Variants in CACNB2 observed in about 807,000 individuals in gnomAD.
CACNB2 encodes voltage-dependent L-type calcium channel subunit beta-2.
In CACNB2, 42 loss-of-function variants were observed where a neutral mutation model predicts 73.3. That is an observed-to-expected ratio of 0.57 (90% CI 0.45 to 0.74). CACNB2 has a LOEUF of 0.74. CACNB2 is among the 30% of genes least tolerant of loss of function. CACNB2 has a pLI of 0.00. For synonymous variants in CACNB2, 348 were observed against 310.3 expected, an observed-to-expected ratio of 1.12 and a Z score of -1.28; for missense variants, 940 against 853.0, an observed-to-expected ratio of 1.10 and a Z score of -1.27.
intron 2 of CACNB2, among the ~76,000 whole-genome samples, chr10:18,220,630 T>C (rs1399976923): frequency 2.0e-5 from 3 of 152,150 alleles, no homozygotes; most frequent in African/African-American, 4.8e-5. Context: ...TAGTACTGGC[T>C]TGTGGTCTGT....
chr10:18,351,413 G>T (rs1193415888), intron 2 of CACNB2, among the ~76,000 whole-genome samples: 1 of 152,156 alleles, frequency 6.6e-6, no homozygotes, highest in East Asian at 1.9e-4. Flanking sequence ...CGTATTCAGT[G>T]ATCTGCTATA....
chr10:18,252,779 G>A (rs1420493364), intron 2 of CACNB2, among the ~76,000 whole-genome samples: 1 of 152,138 alleles, frequency 6.6e-6, no homozygotes, highest in Non-Finnish European at 1.5e-5. Context: ...GACTTTGCAA[G>A]AAAGCGCAAG....
chr10:18,366,475 A>G (rs1431745323), intron 2 of CACNB2, among the ~76,000 whole-genome samples: 1 of 151,554 alleles, frequency 6.6e-6, no homozygotes, highest in Non-Finnish European at 1.5e-5. Flanking sequence ...AAAAAAAAAA[A>G]AAAAAAAATT....
chr10:18,142,463 TAGAC>T (rs1244172397), intron 1 of CACNB2, among the ~76,000 whole-genome samples: 1 of 152,144 alleles, frequency 6.6e-6, no homozygotes, highest in Non-Finnish European at 1.5e-5. Context: ...CTTGCCAGGT[TAGAC>T]AGAATGAAAA....
chr10:18,403,494 A>T (rs1180940934), intron 3 of CACNB2, among the ~76,000 whole-genome samples: 2 of 152,210 alleles, frequency 1.3e-5, no homozygotes, highest in East Asian at 3.8e-4. Context: ...AGTTTCACAT[A>T]CCAAAATTGA....
chr10:18,463,046 C>T (rs181104798), intron 3 of CACNB2, among the ~76,000 whole-genome samples: 24 of 152,304 alleles, frequency 1.6e-4, no homozygotes, highest in Admixed American at 2.0e-4. Context: ...CAAGAGCCAC[C>T]GCACCCGGCC....
chr10:18,178,741 G>A (rs528369086), intron 2 of CACNB2, among the ~76,000 whole-genome samples: 1 of 152,302 alleles, frequency 6.6e-6, no homozygotes, highest in African/African-American at 2.4e-5. Context: ...CTTTTGCTAC[G>A]TTCAATTCTG....
chr10:18,198,729 T>C (rs1322875051), intron 2 of CACNB2, among the ~76,000 whole-genome samples: 1 of 152,176 alleles, frequency 6.6e-6, no homozygotes, highest in African/African-American at 2.4e-5. Context: ...ACACTTTTAC[T>C]TCCACGCTTT....
chr10:18,372,927 T>A (rs916407899), intron 2 of CACNB2, among the ~76,000 whole-genome samples: 1 of 152,202 alleles, frequency 6.6e-6, no homozygotes, highest in African/African-American at 2.4e-5. Flanking sequence ...TTGTCCACTT[T>A]CTCAGTTGAG....
intron 12 of CACNB2, among the ~76,000 whole-genome samples, chr10:18,536,773 G>A (rs2053648173): frequency 6.6e-6 from 1 of 152,150 alleles, no homozygotes. Flanking sequence ...TCCAACACAA[G>A]ATCCTGGTTC....
At chr10:18,402,391 GA>G (rs57043162) in intron 3 of CACNB2, among the ~76,000 whole-genome samples, 10 of 143,850 alleles carry the variant, frequency 7.0e-5, no homozygotes, top group East Asian at 2.0e-4. Flanking sequence ...TCTCTGTTAA[GA>G]AAAAAAAAAA....
chr10:18,180,236 C>A (rs1564321839), intron 2 of CACNB2, among the ~76,000 whole-genome samples: 1 of 152,056 alleles, frequency 6.6e-6, no homozygotes, highest in Admixed American at 6.6e-5. Flanking sequence ...GAATGACATA[C>A]CGCACATCAC....
chr10:18,430,186 T>G (rs2045816615), intron 3 of CACNB2, among the ~76,000 whole-genome samples: 1 of 151,924 alleles, frequency 6.6e-6, no homozygotes, highest in Non-Finnish European at 1.5e-5. Context: ...GAAACCGTGT[T>G]TTTTAAGTAG....
intron 3 of CACNB2, among the ~76,000 whole-genome samples, chr10:18,482,021 C>T (rs7096526): frequency 0.14 from 21,650 of 151,954 alleles, 1,706 homozygotes; most frequent in South Asian, 0.25. Flanking sequence ...TCCTGAGTAG[C>T]TGGGATTACA....
intron 2 of CACNB2, among the ~76,000 whole-genome samples, chr10:18,165,637 C>T (rs1255422200): frequency 6.6e-6 from 1 of 152,176 alleles, no homozygotes; most frequent in East Asian, 1.9e-4. Flanking sequence ...AGGTAGTATA[C>T]CTGCAATATC....
rs757754463 is a variant in CACNB2, at chr10:18,538,194, G to C, written c.1317G>C (p.Val439=). 2 of 1,614,102 alleles carry C rather than the reference G, an allele frequency of 1.2e-6. 1 individual carries two copies. Among genetic ancestry groups the C allele is most frequent in the South Asian group, 2.2e-5 (2 of 91,070 alleles). The change falls in exon 13 of 14, where the codon GTG becomes GTC. Residue 439 remains valine, a synonymous_variant. Transcript: ENST00000324631. ...TGCCTCTGCAGGAGCTGTTCGATGT[G>C]ATCTTGGATGAGAACCAGCTTGAGG... ...LAQCPPELFD[V]ILDENQLEDA... is the part of the protein sequence containing the mutation.
intron 2 of CACNB2, among the ~76,000 whole-genome samples, chr10:18,363,259 G>A (rs146750657): frequency 6.6e-6 from 1 of 152,152 alleles, no homozygotes; most frequent in Non-Finnish European, 1.5e-5. Flanking sequence ...TTAGCCTGGC[G>A]TTCCAGGCTC....
At position 18,270,920 on chromosome 10, in the gene CACNB2, A is replaced by G. The variant is rs1588900010; in HGVS notation, c.213+119945A>G. ...ATACATATATACATAATGCTGGGGA[A>G]ATATCAAATTTTTACTCTTTCACTA... is the stretch of plus-strand genomic sequence containing the variant. On this transcript the variant is annotated intron_variant, in intron 2 of 13. Transcript: ENST00000324631. Among the ~76,000 whole-genome samples the G allele has an allele frequency of 3.9e-5, 6 of 152,276 alleles. 1 individual carries two copies. In the South Asian group the frequency reaches 1.2e-3, roughly 32 times the overall value.
At chr10:18,515,317 C>T (rs925282962) in intron 7 of CACNB2, among the ~76,000 whole-genome samples, 3 of 145,218 alleles carry the variant, frequency 2.1e-5, no homozygotes, top group Admixed American at 7.1e-5. Flanking sequence ...AACCTCCCCC[C>T]AAATTTCCCT....
Sources: allele counts gnomAD v4.1 joint callset (sites outside exome capture counted in the v4.1 genomes callset), GRCh38; gene constraint gnomAD v4.1.1; transcripts MANE v1.5; gene names NCBI Gene and HGNC (gene_info 2026-07-23, HGNC 2026-07-21).